The following ELAVL2 variants were observed in gnomAD, a reference collection of about 807,000 sequenced individuals.
The protein encoded by ELAVL2 is ELAV-like protein 2.
Under a neutral mutation model 34.6 loss-of-function variants are expected in ELAVL2, and 4 were observed. The observed-to-expected ratio is 0.12, with a 90% CI of 0.06 to 0.26. The LOEUF is 0.26. ELAVL2 is among the 10% of genes least tolerant of loss of function. ELAVL2 has a pLI of 1.00. For missense variants in ELAVL2, 432 were observed against 442.8 expected (o/e 0.98, Z 0.22); for synonymous variants, 193 against 154.8 (o/e 1.25, Z -1.83).
At chr9:23,762,290 C>T (rs898068532) in intron 1 of ELAVL2, 41 bp from the exon 2 acceptor site, 1 of 1,605,184 alleles carries the variant, frequency 6.2e-7, no homozygotes, top group Non-Finnish European at 8.5e-7. Context: ...ATTCATATTT[C>T]ACAACCTATT....
At chr9:23,778,551 T>C (rs1381053135) in intron 1 of ELAVL2, among the ~76,000 whole-genome samples, 5 of 152,290 alleles carry the variant, frequency 3.3e-5, no homozygotes, top group African/African-American at 1.2e-4. Context: ...TTTCCAGCTC[T>C]CCCAATACAG....
chr9:23,746,492 A>T (rs1006777797), intron 2 of ELAVL2, among the ~76,000 whole-genome samples: 1 of 152,172 alleles, frequency 6.6e-6, no homozygotes, highest in South Asian at 2.1e-4. Flanking sequence ...GGAGTTAAGT[A>T]GTAGGAAGTA....
chr9:23,809,487 G>A (rs2062688064), intron 1 of ELAVL2, among the ~76,000 whole-genome samples: 1 of 152,106 alleles, frequency 6.6e-6, no homozygotes, highest in South Asian at 2.1e-4. Flanking sequence ...TAAGACATGA[G>A]AAAACATGGG....
rs2063156204 is a variant in ELAVL2, at chr9:23,812,601, A to G, written c.-16+13205T>C. Among the ~76,000 whole-genome samples, 3 of 152,184 alleles carry G rather than the reference A, an allele frequency of 2.0e-5. No individual in the cohort carries two copies. In the South Asian group the frequency reaches 6.2e-4, roughly 31 times the overall value. On this transcript the variant is annotated intron_variant, in intron 1 of 6. Transcript: ENST00000397312. ...TCACCTAAAAGAATCATATAATCAT[A>G]GAATAGAAGATGCTTGGTACCAAGA...
chr9:23,839,656 T>G, the ELAVL2 span, among the ~76,000 whole-genome samples: 1 of 152,144 alleles, frequency 6.6e-6, no homozygotes, highest in Non-Finnish European at 1.5e-5. Flanking sequence ...GAAACTGACC[T>G]GAAAGGAAAA....
intron 3 of ELAVL2, among the ~76,000 whole-genome samples, chr9:23,707,718 C>T (rs554205132): frequency 6.6e-6 from 1 of 152,196 alleles, no homozygotes; most frequent in Non-Finnish European, 1.5e-5. Context: ...ATTCTACCTT[C>T]TTTATATGGC....
At chr9:23,732,083 A>C (rs1415451415) in intron 2 of ELAVL2, among the ~76,000 whole-genome samples, 1 of 152,224 alleles carries the variant, frequency 6.6e-6, no homozygotes, top group African/African-American at 2.4e-5. Flanking sequence ...TGGCATAAGA[A>C]AAGTTTAGTC....
chr9:23,718,487 T>A (rs949116966), intron 3 of ELAVL2, among the ~76,000 whole-genome samples: 1 of 152,168 alleles, frequency 6.6e-6, no homozygotes, highest in African/African-American at 2.4e-5. Context: ...ACCAGTTTTT[T>A]AAAAATTTAA....
chr9:23,717,735 T>C (rs763161930), intron 3 of ELAVL2, among the ~76,000 whole-genome samples: 15 of 152,200 alleles, frequency 9.9e-5, no homozygotes, highest in Admixed American at 5.2e-4. Flanking sequence ...ATAATGGTCA[T>C]ATAAACTAAG....
chr9:23,717,989 C>G (rs563146067), intron 3 of ELAVL2, among the ~76,000 whole-genome samples: 10 of 152,216 alleles, frequency 6.6e-5, no homozygotes, highest in Non-Finnish European at 1.2e-4. Flanking sequence ...CTTATCCTGG[C>G]CCTTTGTTTT....
At chr9:23,810,077 T>C (rs1257884480) in intron 1 of ELAVL2, among the ~76,000 whole-genome samples, 1 of 152,096 alleles carries the variant, frequency 6.6e-6, no homozygotes, top group Non-Finnish European at 1.5e-5. Flanking sequence ...CCCTTACAGA[T>C]TATCTACTAC....
intron 5 of ELAVL2, among the ~76,000 whole-genome samples, chr9:23,700,810 C>G (rs1166620162): frequency 1.3e-5 from 2 of 151,496 alleles, no homozygotes; most frequent in Non-Finnish European, 2.9e-5. Context: ...CTTAATGGTG[C>G]ACATACTATA....
chr9:23,735,105 CAAAAAAAAAA>C, intron 2 of ELAVL2: 15 of 27,966 alleles, frequency 5.4e-4, no homozygotes, highest in African/African-American at 1.7e-3. Flanking sequence ...TAAGGCTCTT[CAAAAAAAAAA>C]AAAAAAAAAA....
chr9:23,825,240 C>T (rs1170479065), intron 1 of ELAVL2, among the ~76,000 whole-genome samples: 2 of 152,206 alleles, frequency 1.3e-5, no homozygotes, highest in African/African-American at 2.4e-5. Context: ...CAGCCCCAGC[C>T]CTCAGGCGGC....
At chr9:23,708,367 T>C (rs1377958959) in intron 3 of ELAVL2, among the ~76,000 whole-genome samples, 2 of 152,236 alleles carry the variant, frequency 1.3e-5, no homozygotes, top group African/African-American at 2.4e-5. Context: ...TAGTATTTTA[T>C]AGCTGGGGAA....
At chr9:23,839,081 T>C in the ELAVL2 span, among the ~76,000 whole-genome samples, 1 of 152,138 alleles carries the variant, frequency 6.6e-6, no homozygotes, top group South Asian at 2.1e-4. Flanking sequence ...ACCAAGAATC[T>C]AACAAGAGCT....
At chr9:23,757,296 G>A (rs1457203746) in intron 2 of ELAVL2, among the ~76,000 whole-genome samples, 1 of 152,010 alleles carries the variant, frequency 6.6e-6, no homozygotes, top group African/African-American at 2.4e-5. Flanking sequence ...TTCATCAGTT[G>A]GCCATTTGCT....
chr9:23,805,857 T>C (rs926891580), intron 1 of ELAVL2, among the ~76,000 whole-genome samples: 1 of 152,180 alleles, frequency 6.6e-6, no homozygotes, highest in African/African-American at 2.4e-5. Flanking sequence ...GCAGCCAATA[T>C]CTTTTCAATA....
chr9:23,742,741 C>T (rs2049560252), intron 2 of ELAVL2, among the ~76,000 whole-genome samples: 1 of 152,066 alleles, frequency 6.6e-6, no homozygotes. Flanking sequence ...CGTCCCCAGT[C>T]GACACAAGGA....
Sources: gnomAD v4.1 joint callset for allele counts (sites outside exome capture counted in the v4.1 genomes callset) on GRCh38, gnomAD v4.1.1 for gene constraint, MANE v1.5 for transcripts, NCBI Gene and HGNC (gene_info 2026-07-23, HGNC 2026-07-21) for gene names.